The following HIVEP3 variants were observed in gnomAD, a reference collection of about 807,000 sequenced individuals.
HIVEP3 encodes the protein HIVEP zinc finger 3, also known as transcription factor HIVEP3.
In HIVEP3, 49 loss-of-function variants were observed where a neutral mutation model predicts 152.8. That is an observed-to-expected ratio of 0.32 (90% confidence interval 0.26 to 0.41). The LOEUF (loss-of-function observed/expected upper bound fraction) is 0.41, where lower values mean the gene tolerates loss of function less well. HIVEP3 is among the 10% of genes least tolerant of loss of function. The pLI is 1.00. For synonymous variants in HIVEP3, 1,269 were observed against 1,289.0 expected (o/e 0.98, Z 0.33); for missense variants, 2,790 against 3,103.3 (o/e 0.90, Z 2.40).
intron 2 of HIVEP3, among the ~76,000 whole-genome samples, chr1:41,689,405 C>CGGCT: frequency 6.6e-6 from 1 of 152,336 alleles, no homozygotes; most frequent in Non-Finnish European, 1.5e-5. Context: ...CCTCAAGTTA[C>CGGCT]GGCTGCCCTG....
chr1:41,512,819 C>G lies in HIVEP3; in HGVS notation c.6402G>C (p.Pro2134=). The G allele has an allele frequency of 6.7e-7, 1 of 1,491,098 alleles. No individual in the cohort carries two copies. 92.4% of individuals were successfully genotyped at this position (1,491,098 alleles called of 1,614,324 possible). ...LSRSPETCAS[P]WQKAESRSPS... The stretch of plus-strand genomic sequence containing the variant: ...GCCACCAGGGGCAGGAACTCACCCA[C>G]GGGGAGGCGCAGGTCTCTGGGCTTC... Residue 2134 remains proline (P), a synonymous_variant, in exon 8 of 9, where the codon CCG becomes CCC. Coordinates refer to ENST00000372583, the MANE Select transcript of HIVEP3 (RefSeq NM_024503.5).
At chr1:41,609,851 G>C (rs887335887) in intron 3 of HIVEP3, among the ~76,000 whole-genome samples, 3 of 152,250 alleles carry the variant, frequency 2.0e-5, no homozygotes, top group Non-Finnish European at 4.4e-5. Flanking sequence ...CTATGCCATA[G>C]GCCAAGACGC....
intron 2 of HIVEP3, among the ~76,000 whole-genome samples, chr1:41,649,837 C>T (rs1481542872): frequency 6.6e-6 from 1 of 152,122 alleles, no homozygotes; most frequent in Non-Finnish European, 1.5e-5. Context: ...GCATCTGGCA[C>T]CCAATTTGGC....
chr1:41,525,044 A>G, intron 5 of HIVEP3, 134 bp from the exon 6 acceptor site: 2 of 816,156 alleles, frequency 2.5e-6, no homozygotes, highest in Non-Finnish European at 3.8e-6. Context: ...GGAACCAGAG[A>G]GGACCACGAG....
chr1:41,693,718 T>G (rs571997729), intron 2 of HIVEP3, among the ~76,000 whole-genome samples: 5 of 152,222 alleles, frequency 3.3e-5, no homozygotes, highest in Admixed American at 6.5e-5. Flanking sequence ...CATTCGTCAT[T>G]CCGGTATGAC....
At chr1:41,706,127 T>A (rs529017724) in intron 1 of HIVEP3, among the ~76,000 whole-genome samples, 1 of 152,202 alleles carries the variant, frequency 6.6e-6, no homozygotes, top group Admixed American at 6.5e-5. Flanking sequence ...TATTTTGTGA[T>A]GCTGAGGTTT....
intron 1 of HIVEP3, among the ~76,000 whole-genome samples, chr1:41,860,209 G>A (rs962763696): frequency 3.3e-5 from 5 of 152,150 alleles, no homozygotes; most frequent in Admixed American, 2.6e-4. Flanking sequence ...GAGTCAAATC[G>A]ACATGGTTAT....
chr1:41,559,955 A>G (rs1343774864), intron 5 of HIVEP3, among the ~76,000 whole-genome samples: 1 of 152,242 alleles, frequency 6.6e-6, no homozygotes, highest in Non-Finnish European at 1.5e-5. Context: ...TGGGAAACCA[A>G]GGCACAGAGC....
At chr1:41,867,387 T>C (rs1458137759) in intron 1 of HIVEP3, among the ~76,000 whole-genome samples, 2 of 152,300 alleles carry the variant, frequency 1.3e-5, no homozygotes, top group East Asian at 1.9e-4. Flanking sequence ...TGAGGTGCCA[T>C]ATAAAAACAG....
In HIVEP3 at chr1:41,533,256, G is replaced by T. The variant is rs1643313049; in HGVS notation, c.5208-8346C>A. 6.6e-6 allele frequency among the ~76,000 whole-genome samples: 1 copy of T among 152,154 alleles called. No homozygotes were observed. The highest frequency in any genetic ancestry group is 2.4e-5 in the African/African-American group (1 of 41,426). On this transcript the variant is annotated intron_variant, in intron 5 of 8. Transcript: ENST00000372583. The surrounding 1 kb of genome is among the most constrained non-coding windows in gnomAD (Gnocchi z 4.3). ...CAGTGTGGACCTCCCCAAGCCTGAG[G>T]TAGACCTGCCGGGCTCTGGGTCCAG...
At chr1:41,810,225 G>C (rs1003868012) in intron 1 of HIVEP3, among the ~76,000 whole-genome samples, 2 of 152,212 alleles carry the variant, frequency 1.3e-5, no homozygotes, top group African/African-American at 4.8e-5. Context: ...CTGCTATGAA[G>C]CTTGTCCCAG....
intron 1 of HIVEP3, among the ~76,000 whole-genome samples, chr1:41,718,772 ACC>A (rs1491458540): frequency 7.3e-6 from 1 of 137,902 alleles, no homozygotes; most frequent in African/African-American, 3.4e-5. Flanking sequence ...TCTCTTTCAC[ACC>A]CACACACACA....
chr1:41,817,405 G>A (rs1642440535), intron 1 of HIVEP3, among the ~76,000 whole-genome samples: 1 of 152,190 alleles, frequency 6.6e-6, no homozygotes, highest in African/African-American at 2.4e-5. Context: ...GCCGGATGGG[G>A]CAGGACATGG....
intron 1 of HIVEP3, among the ~76,000 whole-genome samples, chr1:41,706,512 C>T (rs781265564): frequency 1.3e-5 from 2 of 152,222 alleles, no homozygotes; most frequent in Admixed American, 6.5e-5. Flanking sequence ...GAACTCCTGA[C>T]CTCAGGTGAT....
At chr1:41,825,424 C>A (rs999602442) in intron 1 of HIVEP3, among the ~76,000 whole-genome samples, 1 of 152,056 alleles carries the variant, frequency 6.6e-6, no homozygotes. Context: ...GTGCTCGCCA[C>A]CACGCCCAGC....
intron 1 of HIVEP3, among the ~76,000 whole-genome samples, chr1:41,705,317 A>G (rs1646417008): frequency 6.6e-6 from 1 of 152,184 alleles, no homozygotes; most frequent in East Asian, 1.9e-4. Flanking sequence ...AAGTTCCATC[A>G]GTATCCCTGG....
intron 2 of HIVEP3, among the ~76,000 whole-genome samples, chr1:41,682,863 C>T (rs752700350): frequency 4.6e-5 from 7 of 152,026 alleles, no homozygotes; most frequent in Non-Finnish European, 1.0e-4. Context: ...CTCACGGAGC[C>T]GTACAGACAT....
intron 1 of HIVEP3, among the ~76,000 whole-genome samples, chr1:41,899,663 T>C (rs1249421854): frequency 1.3e-5 from 2 of 152,178 alleles, no homozygotes; most frequent in African/African-American, 2.4e-5. Flanking sequence ...ACTCATCCAT[T>C]ATACATCATT....
rs529689867 is a variant in HIVEP3, at chr1:41,918,874, C to G, written c.-1262G>C. Reference sequence around the variant, plus strand: ...TCTAATCAGCAGCTGTTTTCTGAATCCAGAGCCAACCCATGCCTCGCTTGT... The same window carrying G: ...TCTAATCAGCAGCTGTTTTCTGAATGCAGAGCCAACCCATGCCTCGCTTGT... On this transcript the variant is annotated 5_prime_UTR_variant, in exon 1 of 9. Transcript: ENST00000372583. This position sits in a 1 kb window ranked among gnomAD's most constrained non-coding sequence, Gnocchi z 4.3. 2.7e-4 allele frequency among the ~76,000 whole-genome samples: 41 copies of G among 152,326 alleles called. No homozygotes were observed. The South Asian group carries it at 8.3e-3, about 31-fold the overall frequency.
Sources: gnomAD v4.1 joint callset for allele counts (sites outside exome capture counted in the v4.1 genomes callset) on GRCh38, gnomAD v4.1.1 for gene constraint, Gnocchi (gnomAD v3.1) non-coding constraint, MANE v1.5 for transcripts, NCBI Gene and HGNC (gene_info 2026-07-23, HGNC 2026-07-21) for gene names.